Variants in CRIM1 observed in about 807,000 individuals in gnomAD.
CRIM1 encodes the protein cysteine-rich motor neuron 1 protein.
CRIM1 carries 32 observed loss-of-function variants against 116.4 expected under a neutral mutation model. The ratio of observed to expected loss-of-function variants is 0.27; its 90% confidence interval spans 0.21 to 0.37. The LOEUF (loss-of-function observed/expected upper bound fraction) is 0.37. CRIM1 is among the 10% of genes least tolerant of loss of function. The probability of loss-of-function intolerance (pLI) is 1.00; values close to 1 mark genes in which losing one functional copy is unlikely to be tolerated. For missense variants in CRIM1, 1,331 were observed against 1,354.8 expected (o/e 0.98, Z 0.28); for synonymous variants, 590 against 509.2 (o/e 1.16, Z -2.13).
chr2:36,544,389 A>G lies in CRIM1; in HGVS notation c.2637A>G (p.Pro879=). ...CCCTTCTTTTAGAAATGTATGTCCC[A>G]GAACCAACCAATATACCCATTGAGA... is the stretch of plus-strand genomic sequence containing the variant. The part of the protein sequence containing the change: ...CCPMCPEMYV[P]EPTNIPIEKT... Residue 879 remains proline (P), a synonymous_variant, in exon 15 of 17, where the codon CCA becomes CCG. Coordinates refer to ENST00000280527, the MANE Select transcript of CRIM1 (RefSeq NM_016441.3). 2 of 1,378,588 alleles carry G rather than the reference A, an allele frequency of 1.5e-6. No individual in the cohort carries two copies. Among genetic ancestry groups the G allele is most frequent in the Non-Finnish European group, 1.9e-6 (2 of 1,057,772 alleles). The allele number at this position is 1,378,588 out of a possible 1,614,324, so 85.4% of individuals were successfully genotyped here.
intron 2 of CRIM1, among the ~76,000 whole-genome samples, chr2:36,413,358 C>T (rs1439861181): frequency 6.6e-6 from 1 of 152,164 alleles, no homozygotes; most frequent in African/African-American, 2.4e-5. Context: ...GCCTCAAATT[C>T]TAGCATCTGG....
intron 13 of CRIM1, among the ~76,000 whole-genome samples, chr2:36,535,840 A>G (rs1439106133): frequency 6.6e-6 from 1 of 152,250 alleles, no homozygotes; most frequent in African/African-American, 2.4e-5. Context: ...TAGTATAACA[A>G]CTATTTACAT....
intron 4 of CRIM1, among the ~76,000 whole-genome samples, chr2:36,449,097 G>A (rs926383846): frequency 6.7e-6 from 1 of 148,272 alleles, no homozygotes; most frequent in African/African-American, 2.5e-5. Flanking sequence ...CAGCTAATAT[G>A]TTGACTAATA....
At chr2:36,434,398 C>T (rs1321013328) in intron 2 of CRIM1, among the ~76,000 whole-genome samples, 1 of 152,192 alleles carries the variant, frequency 6.6e-6, no homozygotes, top group East Asian at 1.9e-4. Context: ...ACCAGCAACG[C>T]CGAGTAGGAA....
intron 2 of CRIM1, among the ~76,000 whole-genome samples, chr2:36,408,003 A>G (rs1672939165): frequency 6.6e-6 from 1 of 152,176 alleles, no homozygotes; most frequent in Non-Finnish European, 1.5e-5. Flanking sequence ...TAGTTCAAGC[A>G]CTTTTCTGTC....
intron 7 of CRIM1, among the ~76,000 whole-genome samples, chr2:36,484,284 G>A (rs987700134): frequency 9.9e-5 from 15 of 152,072 alleles, no homozygotes; most frequent in African/African-American, 3.4e-4. Flanking sequence ...TTACTTACAC[G>A]GGCAAGGATT....
At position 36,509,987 on chromosome 2, in the gene CRIM1, G is replaced by C. The variant is rs1436836274; in HGVS notation, c.1506G>C (p.Glu502Asp). Residue 502 changes from glutamate to aspartate, a missense_variant, in exon 9 of 17, where the codon GAG becomes GAC. Transcript: ENST00000280527. ...GCCGTCTCTGTGTCTTCACAGCCGA[G>C]GAACTATGTTCAGAACGTAAACAAG... Reference protein sequence around the residue: ...GCRTCQCINTEELCSERKQGC... With the variant: ...GCRTCQCINTDELCSERKQGC... 1.9e-6 allele frequency: 3 copies of C among 1,613,488 alleles called. No individual in the cohort carries two copies. The highest frequency in any genetic ancestry group is 2.5e-6 in the Non-Finnish European group (3 of 1,179,756).
chr2:36,494,073 C>A (rs567116918), intron 7 of CRIM1, among the ~76,000 whole-genome samples: 2 of 152,270 alleles, frequency 1.3e-5, no homozygotes, highest in South Asian at 4.1e-4. Context: ...AAGTAGAGAG[C>A]TTAGATTTGT....
chr2:36,474,195 C>T (rs1678775461), intron 5 of CRIM1, among the ~76,000 whole-genome samples: 1 of 151,692 alleles, frequency 6.6e-6, no homozygotes, highest in African/African-American at 2.4e-5. Flanking sequence ...TTATTTTTAT[C>T]GTTTAATTAT....
intron 7 of CRIM1, among the ~76,000 whole-genome samples, chr2:36,491,030 G>T (rs146084271): frequency 6.6e-6 from 1 of 152,174 alleles, no homozygotes; most frequent in Non-Finnish European, 1.5e-5. Context: ...ATAACTTCAC[G>T]CAGTAGAAGA....
At chr2:36,505,948 G>A (rs995166538) in intron 8 of CRIM1, among the ~76,000 whole-genome samples, 1 of 152,060 alleles carries the variant, frequency 6.6e-6, no homozygotes, top group African/African-American at 2.4e-5. Flanking sequence ...ATTGTTGTAC[G>A]TTTGTGTGAT....
At chr2:36,392,796 A>G (rs541648204) in intron 1 of CRIM1, among the ~76,000 whole-genome samples, 1 of 152,320 alleles carries the variant, frequency 6.6e-6, no homozygotes, top group South Asian at 2.1e-4. Flanking sequence ...CAAAGTATTG[A>G]TTAGGAGCGG....
chr2:36,374,169 C>A (rs528833357), intron 1 of CRIM1, among the ~76,000 whole-genome samples: 1 of 152,262 alleles, frequency 6.6e-6, no homozygotes, highest in Non-Finnish European at 1.5e-5. Context: ...GATTCTTGGA[C>A]CTTAGTTGCA....
rs753441532 is a variant in CRIM1, at chr2:36,356,596, A to G, written c.304A>G (p.Thr102Ala). 11 of 1,610,604 alleles carry G rather than the reference A, an allele frequency of 6.8e-6. No individual in the cohort carries two copies. Among genetic ancestry groups the G allele is most frequent in the Non-Finnish European group, 9.3e-6 (11 of 1,179,408 alleles). Residue 102 changes from threonine to alanine, a missense_variant, in exon 1 of 17, where the codon ACC becomes GCC. Transcript: ENST00000280527. This position sits in a 1 kb window ranked among gnomAD's most constrained non-coding sequence, Gnocchi z 4.3. ...CCCCCCGCTCAATGGCGACTCCCTC[A>G]CCGAGTACGAAGCGGGCGTTTGCGA... is the stretch of plus-strand genomic sequence containing the variant. ...IRPPLNGDSLTEYEAGVCEDE... is the reference protein window; with the variant it reads ...IRPPLNGDSLAEYEAGVCEDE...
chr2:36,375,461 G>T (rs943313823), intron 1 of CRIM1, among the ~76,000 whole-genome samples: 2 of 151,998 alleles, frequency 1.3e-5, no homozygotes, highest in Non-Finnish European at 2.9e-5. Flanking sequence ...TTGCATAAAC[G>T]GTATACAAAA....
Position 36,370,759 on chromosome 2 carries a change from A to G in CRIM1, c.331+14136A>G, listed in dbSNP as rs1223832171. On this transcript the variant is annotated intron_variant, in intron 1 of 16. Transcript: ENST00000280527. ...GAGAGAGAAGGGATAAAGGATGACC[A>G]CTAGTTAAGAAGGAACAGTGAACTT... Among the ~76,000 whole-genome samples, 4 of 152,184 alleles carry G rather than the reference A, an allele frequency of 2.6e-5. No homozygotes were observed. In the East Asian group the frequency reaches 7.7e-4, roughly 29 times the overall value.
At chr2:36,485,048 G>T (rs1016474877) in intron 7 of CRIM1, among the ~76,000 whole-genome samples, 3 of 152,196 alleles carry the variant, frequency 2.0e-5, no homozygotes, top group Non-Finnish European at 4.4e-5. Flanking sequence ...TTAATAAAAA[G>T]TTAAAATTGC....
intron 4 of CRIM1, among the ~76,000 whole-genome samples, chr2:36,443,696 TAGG>T (rs1348435298): frequency 6.6e-6 from 1 of 152,222 alleles, no homozygotes; most frequent in Non-Finnish European, 1.5e-5. Context: ...TTGGATAAGA[TAGG>T]AGTAGATGTG....
chr2:36,436,952 CAG>C (rs1280479377), intron 2 of CRIM1, among the ~76,000 whole-genome samples: 4 of 152,184 alleles, frequency 2.6e-5, no homozygotes, highest in Non-Finnish European at 4.4e-5. Context: ...TATCAAAAAT[CAG>C]AATATAACCA....
Sources: allele counts gnomAD v4.1 joint callset (sites outside exome capture counted in the v4.1 genomes callset), GRCh38; gene constraint gnomAD v4.1.1; non-coding constraint Gnocchi (gnomAD v3.1); transcripts MANE v1.5; gene names NCBI Gene and HGNC (gene_info 2026-07-23, HGNC 2026-07-21).